VWA3A: variants seen among roughly 807,000 people sequenced by gnomAD.
The protein encoded by VWA3A is von Willebrand factor A domain-containing protein 3A.
A neutral mutation model predicts 160.4 loss-of-function variants in VWA3A; 134 were observed. The observed-to-expected ratio is 0.84, with a 90% CI of 0.73 to 0.96. The LOEUF (loss-of-function observed/expected upper bound fraction) is 0.96, where lower values mean the gene tolerates loss of function less well. Among genes scored for constraint, VWA3A ranks in the 40% least tolerant of loss-of-function variants. The probability of loss-of-function intolerance (pLI) is 0.00; values close to 1 mark genes in which losing one functional copy is unlikely to be tolerated. For synonymous variants in VWA3A, 476 were observed against 543.4 expected (o/e 0.88, Z 1.72); for missense variants, 1,310 against 1,447.9 (o/e 0.90, Z 1.55).
intron 26 of VWA3A, among the ~76,000 whole-genome samples, chr16:22,144,980 T>C (rs2046222553): frequency 6.6e-6 from 1 of 152,108 alleles, no homozygotes; most frequent in African/African-American, 2.4e-5. Context: ...GTGGCTGAAG[T>C]GTTCACCCAT....
At chr16:22,123,211 G>A in intron 15 of VWA3A, 46 bp downstream of exon 15, 1 of 1,534,894 alleles carries the variant, frequency 6.5e-7, no homozygotes. Flanking sequence ...GCAGAAAGTG[G>A]GGACGGGAGG....
chr16:22,093,696 G>A (rs1901421493), intron 1 of VWA3A, among the ~76,000 whole-genome samples: 1 of 152,154 alleles, frequency 6.6e-6, no homozygotes, highest in African/African-American at 2.4e-5. Context: ...CAGCATTGAA[G>A]TAGGCAGGTC....
At chr16:22,115,547 A>G in intron 9 of VWA3A, 75 bp downstream of exon 9, 1 of 1,470,476 alleles carries the variant, frequency 6.8e-7, no homozygotes, top group South Asian at 1.4e-5. Context: ...TTGAGAAAAG[A>G]TTGGCTTGTC....
Position 22,138,497 on chromosome 16 carries a change from C to G in VWA3A, c.2277C>G (p.Pro759=). 6.2e-7 allele frequency: 1 copy of G among 1,613,964 alleles called. No individual in the cohort carries two copies. The highest frequency in any genetic ancestry group is 8.5e-7 in the Non-Finnish European group (1 of 1,179,874). Residue 759 remains proline (P), a synonymous_variant, in exon 22 of 34, where the codon CCC becomes CCG. Transcript: ENST00000389398. ...KKLCPPRPTV[P]LGARMSIKDD... is the part of the protein sequence containing the mutation. ...TCTGCCCTCCCAGGCCCACCGTCCC[C>G]CTGGGGGCCAGAATGGTTTGACTCC...
chr16:22,137,088 T>C (rs2046057987), intron 21 of VWA3A, among the ~76,000 whole-genome samples: 1 of 151,504 alleles, frequency 6.6e-6, no homozygotes, highest in South Asian at 2.1e-4. Context: ...AATAAATAAA[T>C]AAATAAATAA....
chr16:22,102,759 A>T (rs1445284855), intron 5 of VWA3A, among the ~76,000 whole-genome samples: 2 of 152,192 alleles, frequency 1.3e-5, no homozygotes, highest in African/African-American at 4.8e-5. Flanking sequence ...GAAGACACAG[A>T]TTTGAGCAAG....
intron 23 of VWA3A, chr16:22,141,368 G>A: frequency 3.1e-6 from 2 of 644,684 alleles, no homozygotes; most frequent in South Asian, 3.3e-5. Context: ...GCCAGGGAAA[G>A]ATCTGGACTC....
In VWA3A at chr16:22,109,501, G is replaced by C; in HGVS notation, c.503G>C (p.Gly168Ala). 6.2e-7 allele frequency: 1 copy of C among 1,608,242 alleles called. No homozygotes were observed. The highest frequency in any genetic ancestry group is 8.5e-7 in the Non-Finnish European group (1 of 1,177,446). The stretch of plus-strand genomic sequence containing the variant: ...TTTTAGGCATTTGGCCTCATCAAAG[G>C]GGCCAGAGTCAGCATCCTCATAGAT... ...NSKKAFGLIK[G>A]ARVSILIDVS... The change falls in exon 7 of 34, where the codon GGG becomes GCG. Residue 168 changes from glycine to alanine, a missense_variant. Physicochemically the swap from Gly to Ala is moderately conservative, Grantham distance 60 (BLOSUM62 0). Coordinates refer to ENST00000389398, the MANE Select transcript of VWA3A (RefSeq NM_173615.5).
At chr16:22,111,982 C>T (rs1443447736) in intron 8 of VWA3A, among the ~76,000 whole-genome samples, 1 of 152,110 alleles carries the variant, frequency 6.6e-6, no homozygotes. Context: ...GTGTGTTTAC[C>T]TTCTAATTTT....
intron 11 of VWA3A, among the ~76,000 whole-genome samples, 174 bp from the exon 12 acceptor site, chr16:22,118,728 G>A (rs920040757): frequency 2.6e-5 from 4 of 152,118 alleles, no homozygotes; most frequent in Non-Finnish European, 4.4e-5. Flanking sequence ...TTGCACAAAC[G>A]GAGCACAGCA....
chr16:22,141,257 C>T (rs1031091764), intron 23 of VWA3A: 1 of 520,496 alleles, frequency 1.9e-6, no homozygotes, highest in African/African-American at 1.9e-5. Context: ...CAGGTAGAAT[C>T]ATGCCCTGCC....
chr16:22,155,241 G>A (rs1040136428), intron 31 of VWA3A, among the ~76,000 whole-genome samples: 2 of 152,036 alleles, frequency 1.3e-5, no homozygotes, highest in South Asian at 2.1e-4. Flanking sequence ...ACTGAATAGC[G>A]CTGAGATAAG....
At chr16:22,154,556 T>C (rs918261057) in intron 31 of VWA3A, among the ~76,000 whole-genome samples, 3 of 151,858 alleles carry the variant, frequency 2.0e-5, no homozygotes, top group Non-Finnish European at 4.4e-5. Context: ...CTCAAACTCC[T>C]GACTTCAAGT....
chr16:22,140,357 C>A, intron 23 of VWA3A, 113 bp downstream of exon 23: 1 of 1,026,754 alleles, frequency 9.7e-7, no homozygotes, highest in African/African-American at 1.6e-5. Context: ...CCTATAATCC[C>A]AGCACTTTTG....
At chr16:22,126,776 G>C (rs570232552) in intron 17 of VWA3A, among the ~76,000 whole-genome samples, 1 of 152,252 alleles carries the variant, frequency 6.6e-6, no homozygotes, top group African/African-American at 2.4e-5. Context: ...GGGAGGCCGA[G>C]ACAGGAGGAT....
At chr16:22,111,101 A>G (rs1250622821) in intron 8 of VWA3A, 107 bp downstream of exon 8, 8 of 923,248 alleles carry the variant, frequency 8.7e-6, no homozygotes, top group South Asian at 1.9e-5. Flanking sequence ...ACCCTACTAG[A>G]TAAGTGAGTA....
chr16:22,142,867 C>A, intron 25 of VWA3A, 102 bp downstream of exon 25: 1 of 898,544 alleles, frequency 1.1e-6, no homozygotes. Context: ...GAAATGAGAA[C>A]AAGCCAGGCA....
At chr16:22,149,761 T>G in intron 28 of VWA3A, 26 bp from the exon 29 acceptor site, 1 of 1,577,504 alleles carries the variant, frequency 6.3e-7, no homozygotes, top group South Asian at 1.2e-5. Context: ...TCTCTGCCCC[T>G]CACCTCCTCT....
rs1266215681 is a variant in VWA3A, at chr16:22,121,583, T to G, written c.1322T>G (p.Ile441Ser). The G allele has an allele frequency of 3.1e-6, 5 of 1,613,486 alleles. No individual in the cohort carries two copies. In the Admixed American group the frequency reaches 6.7e-5, roughly 22 times the overall value. ...AFSPVEEFVP[I>S]LQKTVSSTIH... ...TCTCCTGTGGAGGAATTTGTACCTA[T>G]TCTCCAGAAAACAGTATCATCGACC... Residue 441 changes from isoleucine to serine, a missense_variant, in exon 14 of 34, where the codon ATT becomes AGT. Coordinates refer to ENST00000389398, the MANE Select transcript of VWA3A (RefSeq NM_173615.5).
Sources: gnomAD v4.1 joint callset for allele counts (sites outside exome capture counted in the v4.1 genomes callset) on GRCh38, gnomAD v4.1.1 for gene constraint, MANE v1.5 for transcripts, NCBI Gene and HGNC (gene_info 2026-07-23, HGNC 2026-07-21) for gene names.